The following WWC2 variants were observed in gnomAD, a reference collection of about 807,000 sequenced individuals.
WWC2 encodes WW and C2 domain containing 2.
In WWC2, 101 loss-of-function variants were observed where a neutral mutation model predicts 138.5. The ratio of observed to expected loss-of-function variants is 0.73; its 90% CI spans 0.62 to 0.86. WWC2 has a LOEUF of 0.86. WWC2 is among the 40% of genes least tolerant of loss of function. The pLI, the probability that WWC2 is intolerant of heterozygous loss-of-function variation, is 0.00. For synonymous variants in WWC2, 558 were observed against 538.4 expected, an observed-to-expected ratio of 1.04 and a Z score of -0.50; for missense variants, 1,420 against 1,419.4, an observed-to-expected ratio of 1.00 and a Z score of -0.01.
At chr4:183,228,547 T>G (rs1021765014) in intron 4 of WWC2, among the ~76,000 whole-genome samples, 1 of 152,146 alleles carries the variant, frequency 6.6e-6, no homozygotes, top group Non-Finnish European at 1.5e-5. Flanking sequence ...TAGACTTGTT[T>G]CAATATATTT....
chr4:183,126,456 C>G (rs1292588085), intron 1 of WWC2, among the ~76,000 whole-genome samples: 1 of 152,090 alleles, frequency 6.6e-6, no homozygotes, highest in East Asian at 1.9e-4. Context: ...AGTACTTGCC[C>G]CTAAATATGT....
At chr4:183,227,435 A>C (rs1183609152) in intron 4 of WWC2, among the ~76,000 whole-genome samples, 2 of 152,124 alleles carry the variant, frequency 1.3e-5, no homozygotes, top group Non-Finnish European at 2.9e-5. Context: ...CAGAGAACAA[A>C]GAACTGGCAG....
At chr4:183,134,003 A>G (rs1027341170) in intron 1 of WWC2, among the ~76,000 whole-genome samples, 10 of 151,726 alleles carry the variant, frequency 6.6e-5, no homozygotes. Context: ...CAGGTTTTCT[A>G]TTTCTTCTTG....
chr4:183,189,239 A>T (rs1442574334), intron 1 of WWC2, among the ~76,000 whole-genome samples: 3 of 151,698 alleles, frequency 2.0e-5, no homozygotes, highest in Non-Finnish European at 4.4e-5. Context: ...GTTTGAGACC[A>T]GTCAGGCCAA....
At chr4:183,277,772 A>G (rs1273151654) in intron 16 of WWC2, among the ~76,000 whole-genome samples, 14 of 148,884 alleles carry the variant, frequency 9.4e-5, no homozygotes, top group African/African-American at 3.4e-4. Flanking sequence ...GGCTGCATAA[A>G]TGTCTTCTTT....
intron 2 of WWC2, among the ~76,000 whole-genome samples, chr4:183,202,783 T>A (rs1046872281): frequency 1.3e-5 from 2 of 152,210 alleles, no homozygotes; most frequent in African/African-American, 4.8e-5. Context: ...TGCAGAGTGA[T>A]CTGTGGAGCC....
At chr4:183,265,508 C>T (rs746798753) in intron 12 of WWC2, among the ~76,000 whole-genome samples, 180 bp from the exon 13 acceptor site, 1 of 152,208 alleles carries the variant, frequency 6.6e-6, no homozygotes, top group East Asian at 1.9e-4. Context: ...AGCCCAGAGG[C>T]GGGCTCTTCT....
intron 4 of WWC2, among the ~76,000 whole-genome samples, chr4:183,217,827 C>T (rs1425366779): frequency 6.6e-6 from 1 of 151,908 alleles, no homozygotes; most frequent in Non-Finnish European, 1.5e-5. Context: ...TTAAAGTTCC[C>T]TAGAAACAGC....
Position 183,320,257 on chromosome 4 carries a change from C to T in WWC2, c.*4528C>T, listed in dbSNP as rs770113631. On this transcript the variant is annotated 3_prime_UTR_variant, in exon 23 of 23. Coordinates refer to ENST00000403733, the MANE Select transcript of WWC2 (RefSeq NM_024949.6). ...GAGCTTTAGCCAAACTAACTCCTGC[C>T]CTTCGGTTGCTGTGAAAAGAAGTGT... 10 of 1,552,126 alleles carry T rather than the reference C, an allele frequency of 6.4e-6. No individual in the cohort carries two copies. In the Admixed American group the frequency reaches 1.9e-4, roughly 30 times the overall value.
Position 183,194,688 on chromosome 4 carries a change from C to CA in WWC2, c.241+986dup, listed in dbSNP as rs534552894. Among the ~76,000 whole-genome samples, 86 of 152,052 alleles carry CA rather than the reference C, an allele frequency of 5.7e-4. 1 individual carries two copies. The East Asian group carries it at 0.012, about 22-fold the overall frequency. On this transcript the variant is annotated intron_variant, in intron 2 of 22. Transcript: ENST00000403733. ...GTAGATGATGTATTTCTCAAGAGGCCAAAAAAGCCTGTATTATTAGCTGTG... is the reference window on the plus strand; with the variant it reads ...GTAGATGATGTATTTCTCAAGAGGCCAAAAAAAGCCTGTATTATTAGCTGTG...
At chr4:183,244,703 T>C (rs981505439) in intron 5 of WWC2, among the ~76,000 whole-genome samples, 1 of 152,146 alleles carries the variant, frequency 6.6e-6, no homozygotes, top group African/African-American at 2.4e-5. Flanking sequence ...CTGCAGGCCC[T>C]GTGCCAGGTT....
Position 183,299,399 on chromosome 4 carries a change from AT to A in WWC2, c.3384+9765del, listed in dbSNP as rs544273394. Among the ~76,000 whole-genome samples the A allele has an allele frequency of 1.7e-3, 261 of 152,288 alleles. 1 individual carries two copies. Among genetic ancestry groups the A allele is most frequent in the Non-Finnish European group, 3.1e-3 (210 of 68,008 alleles). ...GCTACTGGCAGTTTCACATCAAGCA[AT>A]AGTGAAAAAAGCTCACAAAACAAGG... On this transcript the variant is annotated intron_variant, in intron 21 of 22. Transcript: ENST00000403733.
At chr4:183,139,992 A>G (rs116578480) in intron 1 of WWC2, among the ~76,000 whole-genome samples, 1,686 of 152,210 alleles carry the variant, frequency 0.011, 30 homozygotes, top group Non-Finnish European at 0.012. Flanking sequence ...TCGTATTTTT[A>G]GTAGAGACAG....
chr4:183,155,320 A>T (rs1579994414), intron 1 of WWC2, among the ~76,000 whole-genome samples: 1 of 152,118 alleles, frequency 6.6e-6, no homozygotes, highest in East Asian at 1.9e-4. Flanking sequence ...CAGCGGAGAC[A>T]TAGTGGCCAG....
intron 21 of WWC2, among the ~76,000 whole-genome samples, chr4:183,294,689 T>C (rs1253113972): frequency 6.6e-6 from 1 of 152,184 alleles, no homozygotes; most frequent in African/African-American, 2.4e-5. Flanking sequence ...GAACAGTATG[T>C]CTAACACTGA....
intron 4 of WWC2, among the ~76,000 whole-genome samples, chr4:183,212,371 A>G (rs1313210062): frequency 1.3e-5 from 2 of 152,134 alleles, no homozygotes. Flanking sequence ...CAGTCCATCC[A>G]TAATTCTCTG....
chr4:183,262,789 TGC>T (rs150766696), intron 11 of WWC2, among the ~76,000 whole-genome samples: 4 of 151,248 alleles, frequency 2.6e-5, no homozygotes, highest in Non-Finnish European at 5.9e-5. Context: ...CGTGCGTGCG[TGC>T]GTGTGTGTGT....
At chr4:183,212,964 C>G (rs1476836883) in intron 4 of WWC2, among the ~76,000 whole-genome samples, 1 of 152,084 alleles carries the variant, frequency 6.6e-6, no homozygotes, top group Non-Finnish European at 1.5e-5. Context: ...GAGAGAGACG[C>G]CCTCTTCAAG....
intron 4 of WWC2, among the ~76,000 whole-genome samples, chr4:183,215,828 G>A (rs1161539432): frequency 1.3e-5 from 2 of 152,094 alleles, no homozygotes; most frequent in Non-Finnish European, 2.9e-5. Flanking sequence ...ATTCTTAAAT[G>A]CCCTTATATC....
Sources: allele counts gnomAD v4.1 joint callset (sites outside exome capture counted in the v4.1 genomes callset), GRCh38; gene constraint gnomAD v4.1.1; transcripts MANE v1.5; gene names NCBI Gene and HGNC (gene_info 2026-07-23, HGNC 2026-07-21).